Variants in CCDC192 observed in about 807,000 individuals in gnomAD.
CCDC192 encodes the protein coiled-coil domain containing 192.
intron 2 of CCDC192, among the ~76,000 whole-genome samples, chr5:127,747,021 A>C (rs1018377369): frequency 6.6e-6 from 1 of 152,150 alleles, no homozygotes; most frequent in African/African-American, 2.4e-5. Flanking sequence ...TAGGGAAAAA[A>C]ATAAAGCAGA....
intron 6 of CCDC192, among the ~76,000 whole-genome samples, chr5:127,913,882 G>A (rs546411977): frequency 5.9e-5 from 9 of 152,314 alleles, no homozygotes; most frequent in East Asian, 3.9e-4. Context: ...CCATGTGGAG[G>A]TAGATGGAAA....
At chr5:127,797,320 G>C in intron 4 of CCDC192, 86 bp downstream of exon 4, 1 of 385,062 alleles carries the variant, frequency 2.6e-6, no homozygotes, top group Non-Finnish European at 4.6e-6. Context: ...TTTCAGTCTG[G>C]ATTAAAAGTC....
At chr5:127,841,974 G>T (rs1486688915) in intron 5 of CCDC192, among the ~76,000 whole-genome samples, 1 of 152,228 alleles carries the variant, frequency 6.6e-6, no homozygotes, top group African/African-American at 2.4e-5. Flanking sequence ...GACAGAAAAG[G>T]GAGTGACAGA....
At chr5:127,781,069 C>T (rs1322733379) in intron 3 of CCDC192, among the ~76,000 whole-genome samples, 7 of 152,090 alleles carry the variant, frequency 4.6e-5, no homozygotes, top group Non-Finnish European at 1.0e-4. Context: ...TATCCCAGCA[C>T]CATTTGTTAA....
At chr5:127,809,556 A>G (rs1757967815) in intron 5 of CCDC192, among the ~76,000 whole-genome samples, 1 of 152,208 alleles carries the variant, frequency 6.6e-6, no homozygotes, top group African/African-American at 2.4e-5. Context: ...AACATATCAG[A>G]CCAGCAAATG....
intron 2 of CCDC192, among the ~76,000 whole-genome samples, chr5:127,753,246 C>T (rs1754341757): frequency 6.6e-6 from 1 of 152,186 alleles, no homozygotes; most frequent in East Asian, 1.9e-4. Context: ...CTAGCATGTA[C>T]AAGGTTTTCC....
chr5:127,733,478 C>A (rs1752761406), intron 2 of CCDC192, among the ~76,000 whole-genome samples: 1 of 152,056 alleles, frequency 6.6e-6, no homozygotes, highest in Non-Finnish European at 1.5e-5. Flanking sequence ...GTCACAGAAA[C>A]AATAAATATA....
At chr5:127,785,053 T>G in intron 3 of CCDC192, 1 of 496,606 alleles carries the variant, frequency 2.0e-6, no homozygotes, top group South Asian at 1.5e-5. Context: ...CATTTTAATT[T>G]GAGTGCAATC....
chr5:127,754,067 A>G (rs1257040647), intron 2 of CCDC192, among the ~76,000 whole-genome samples: 1 of 152,018 alleles, frequency 6.6e-6, no homozygotes, highest in Admixed American at 6.6e-5. Flanking sequence ...TACTCTTTTT[A>G]CTTTGTATAT....
At chr5:127,849,705 A>G (rs1029192127) in intron 5 of CCDC192, among the ~76,000 whole-genome samples, 1 of 152,210 alleles carries the variant, frequency 6.6e-6, no homozygotes, top group Admixed American at 6.5e-5. Flanking sequence ...GTGGAGAGAG[A>G]TACAAGACCA....
intron 6 of CCDC192, among the ~76,000 whole-genome samples, chr5:127,902,998 A>G (rs1289450739): frequency 6.6e-6 from 1 of 152,168 alleles, no homozygotes; most frequent in Non-Finnish European, 1.5e-5. Context: ...TTTATTAAAA[A>G]TCTCAGGCAC....
intron 2 of CCDC192, among the ~76,000 whole-genome samples, chr5:127,750,221 C>G (rs1380356162): frequency 0.012 from 1,858 of 151,938 alleles, 16 homozygotes; most frequent in African/African-American, 0.024. Context: ...GTCAATTTTG[C>G]ATCTTTCCTG....
At chr5:127,749,668 G>C (rs2126860860) in intron 2 of CCDC192, among the ~76,000 whole-genome samples, 1 of 152,144 alleles carries the variant, frequency 6.6e-6, no homozygotes, top group African/African-American at 2.4e-5. Flanking sequence ...CTATTGATTG[G>C]AATAGTTTCA....
chr5:127,760,701 CA>C (rs56177728), intron 3 of CCDC192, among the ~76,000 whole-genome samples: 4,938 of 54,822 alleles, frequency 0.09, 115 homozygotes, highest in East Asian at 0.31. Flanking sequence ...GATTCTGTCT[CA>C]AAAAAAAAAA....
At chr5:127,812,672 G>A (rs568329419) in intron 5 of CCDC192, among the ~76,000 whole-genome samples, 1 of 152,318 alleles carries the variant, frequency 6.6e-6, no homozygotes, top group Non-Finnish European at 1.5e-5. Flanking sequence ...CACGAGGAGA[G>A]CATGTAGGAG....
intron 2 of CCDC192, among the ~76,000 whole-genome samples, chr5:127,736,603 C>G (rs1441072026): frequency 3.3e-5 from 5 of 151,934 alleles, no homozygotes; most frequent in East Asian, 3.8e-4. Flanking sequence ...GCCACAATTT[C>G]ATAGCCTGTT....
At chr5:127,908,661 T>G (rs1753264490) in intron 6 of CCDC192, among the ~76,000 whole-genome samples, 2 of 152,226 alleles carry the variant, frequency 1.3e-5, no homozygotes, top group African/African-American at 4.8e-5. Context: ...CTGATATGAT[T>G]TATAGACTTG....
intron 6 of CCDC192, among the ~76,000 whole-genome samples, chr5:127,928,266 G>C (rs1753920431): frequency 6.6e-6 from 1 of 152,170 alleles, no homozygotes; most frequent in Non-Finnish European, 1.5e-5. Context: ...AGTCCAACAG[G>C]TGTCACCTGA....
chr5:127,707,299 A>G (rs1031445107), intron 1 of CCDC192, among the ~76,000 whole-genome samples: 7 of 151,298 alleles, frequency 4.6e-5, no homozygotes, highest in Non-Finnish European at 8.8e-5. Context: ...GCTAATGGAA[A>G]TGATCCAGGA....
Sources: allele counts gnomAD v4.1 joint callset (sites outside exome capture counted in the v4.1 genomes callset), GRCh38; gene constraint gnomAD v4.1.1; transcripts MANE v1.5; gene names NCBI Gene and HGNC (gene_info 2026-07-23, HGNC 2026-07-21).